CFAP61: variants seen among roughly 807,000 people sequenced by gnomAD.
The protein encoded by CFAP61 is cilia- and flagella-associated protein 61.
In CFAP61, 107 loss-of-function variants were observed where a neutral mutation model predicts 135.6. The ratio of observed to expected loss-of-function variants is 0.79; its 90% CI spans 0.67 to 0.93. The LOEUF is 0.93. CFAP61 is among the 40% of genes least tolerant of loss of function. The pLI is 0.00. For synonymous variants in CFAP61, 575 were observed against 578.5 expected (o/e 0.99, Z 0.09); for missense variants, 1,507 against 1,556.2 (o/e 0.97, Z 0.53).
chr20:20,136,966 G>A (rs2050976898), intron 8 of CFAP61, among the ~76,000 whole-genome samples: 2 of 152,072 alleles, frequency 1.3e-5, no homozygotes, highest in Non-Finnish European at 2.9e-5. Context: ...TGCATTAGGT[G>A]GGTACACAGA....
rs369503602 is a variant in CFAP61 at position 20,173,830 on chromosome 20, G to A, written c.1385+4370G>A. Among the ~76,000 whole-genome samples the A allele has an allele frequency of 2.1e-4, 32 of 152,326 alleles. No individual in the cohort carries two copies. In the South Asian group the frequency reaches 6.0e-3, roughly 29 times the overall value. ...TGAATAAAGACACTGGAGATGGAGAGCAATGAGATGATACGGATCTAGGAA... is the reference window on the plus strand; with the variant it reads ...TGAATAAAGACACTGGAGATGGAGAACAATGAGATGATACGGATCTAGGAA... On this transcript the variant is annotated intron_variant, in intron 13 of 26. Coordinates refer to ENST00000245957, the MANE Select transcript of CFAP61 (RefSeq NM_015585.4).
At chr20:20,346,973 G>A (rs925758805) in intron 26 of CFAP61, among the ~76,000 whole-genome samples, 5 of 152,082 alleles carry the variant, frequency 3.3e-5, no homozygotes, top group African/African-American at 1.2e-4. Context: ...AAGTGCACAC[G>A]GAACATTCTC....
chr20:20,239,218 T>C (rs2049833169), intron 18 of CFAP61, among the ~76,000 whole-genome samples: 1 of 152,240 alleles, frequency 6.6e-6, no homozygotes, highest in Non-Finnish European at 1.5e-5. Context: ...TATTATAAAC[T>C]TCATGACTTT....
intron 25 of CFAP61, among the ~76,000 whole-genome samples, chr20:20,312,346 A>G (rs991801813): frequency 2.6e-5 from 4 of 152,218 alleles, no homozygotes; most frequent in Non-Finnish European, 5.9e-5. Context: ...ACTTTTAGAG[A>G]TGAAAACTAC....
intron 25 of CFAP61, chr20:20,322,871 T>C (rs1490526195): frequency 8.1e-6 from 8 of 985,178 alleles, no homozygotes; most frequent in Non-Finnish European, 9.6e-6. Flanking sequence ...AATTTACTAA[T>C]ATGACACAAA....
chr20:20,311,339 G>A (rs1223534798), intron 25 of CFAP61, among the ~76,000 whole-genome samples: 1 of 152,132 alleles, frequency 6.6e-6, no homozygotes, highest in African/African-American at 2.4e-5. Flanking sequence ...AATTTTGGGA[G>A]GAACCAGACT....
At chr20:20,147,393 T>A (rs2051984128) in intron 9 of CFAP61, among the ~76,000 whole-genome samples, 1 of 152,222 alleles carries the variant, frequency 6.6e-6, no homozygotes, top group African/African-American at 2.4e-5. Context: ...TTTCACCACA[T>A]CCACACCAAC....
chr20:20,153,731 CA>C (rs2052644196), intron 9 of CFAP61, among the ~76,000 whole-genome samples: 1 of 151,742 alleles, frequency 6.6e-6, no homozygotes, highest in East Asian at 1.9e-4. Flanking sequence ...AAATTGCCAA[CA>C]AAAAAAGTCC....
intron 15 of CFAP61, 112 bp downstream of exon 15, chr20:20,191,531 C>A (rs900768374): frequency 1.6e-6 from 1 of 634,740 alleles, no homozygotes; most frequent in Admixed American, 2.5e-5. Flanking sequence ...TGAATGCCTC[C>A]TTTTTCTGAT....
intron 18 of CFAP61, among the ~76,000 whole-genome samples, chr20:20,233,891 T>C (rs1266828575): frequency 2.0e-5 from 3 of 152,164 alleles, no homozygotes; most frequent in African/African-American, 7.2e-5. Flanking sequence ...GATCAGCTTA[T>C]TGTCCTTTTT....
At chr20:20,284,574 C>A (rs745932472) in intron 22 of CFAP61, among the ~76,000 whole-genome samples, 1 of 152,156 alleles carries the variant, frequency 6.6e-6, no homozygotes, top group Non-Finnish European at 1.5e-5. Flanking sequence ...CATGAGCCAC[C>A]GCGCCCGGCC....
chr20:20,356,549 A>AGT (rs1221617247), intron 26 of CFAP61, among the ~76,000 whole-genome samples: 1 of 90,420 alleles, frequency 1.1e-5, no homozygotes. Context: ...AGGTGGTCAC[A>AGT]CTGAGGGGAG....
chr20:20,355,836 G>A (rs2059107618), intron 26 of CFAP61, among the ~76,000 whole-genome samples: 1 of 143,744 alleles, frequency 7.0e-6, no homozygotes, highest in Non-Finnish European at 1.5e-5. Flanking sequence ...GTCACACTGT[G>A]AGGGGAGGTG....
rs535973080 is a variant in CFAP61 at position 20,175,822 on chromosome 20, C to T, written c.1385+6362C>T. 4.3e-4 allele frequency among the ~76,000 whole-genome samples: 65 copies of T among 152,182 alleles called. No homozygotes were observed. The South Asian group carries it at 0.011, about 26-fold the overall frequency. On this transcript the variant is annotated intron_variant, in intron 13 of 26. Transcript: ENST00000245957. Reference sequence around the variant, plus strand: ...CTGGGATTACAGGCGTGAGCCACTGCGCCTGGCTGGGGCTTCTGCTTTTTT... The same window carrying T: ...CTGGGATTACAGGCGTGAGCCACTGTGCCTGGCTGGGGCTTCTGCTTTTTT...
chr20:20,081,577 C>T (rs375934681), intron 6 of CFAP61, among the ~76,000 whole-genome samples: 7 of 152,302 alleles, frequency 4.6e-5, no homozygotes, highest in African/African-American at 1.7e-4. Context: ...ATGTGCTCAG[C>T]CCAGTGCCAG....
chr20:20,139,580 CAG>C (rs1372788013), intron 8 of CFAP61, among the ~76,000 whole-genome samples: 2 of 152,202 alleles, frequency 1.3e-5, no homozygotes, highest in African/African-American at 4.8e-5. Context: ...TTGAGGATCT[CAG>C]GGGACATTAT....
rs1237309030 is a variant in CFAP61, at chr20:20,341,929, T to C, written c.3513+8T>C. ...ATCTTAGCCTCCAAGGAGGTAAGAG[T>C]GATTAATGGATATGTGGATTATTCC... On this transcript the variant is annotated splice_region_variant and intron_variant, in intron 26 of 26. Coordinates refer to ENST00000245957, the MANE Select transcript of CFAP61 (RefSeq NM_015585.4). The C allele has an allele frequency of 6.3e-7, 1 of 1,578,352 alleles. No individual in the cohort carries two copies. The highest frequency in any genetic ancestry group is 1.7e-5 in the Admixed American group (1 of 59,558).
intron 22 of CFAP61, among the ~76,000 whole-genome samples, chr20:20,285,718 G>C (rs942938686): frequency 3.3e-5 from 5 of 152,000 alleles, no homozygotes; most frequent in Non-Finnish European, 5.9e-5. Context: ...AGGAATTCAA[G>C]ACCAGCCTGG....
chr20:20,071,311 G>A lies in CFAP61; in HGVS notation c.294+307G>A, dbSNP rs184155451. ...CCAGGTCTCACGTTGTTCTCCAGGC[G>A]TCAGTGTCCAAGGTCATTGATATGT... On this transcript the variant is annotated intron_variant, in intron 3 of 26. Transcript: ENST00000245957. 5.3e-5 allele frequency among the ~76,000 whole-genome samples: 8 copies of A among 152,148 alleles called. No individual in the cohort carries two copies. The East Asian group carries it at 9.6e-4, about 18-fold the overall frequency.
Sources: allele counts gnomAD v4.1 joint callset (sites outside exome capture counted in the v4.1 genomes callset), GRCh38; gene constraint gnomAD v4.1.1; transcripts MANE v1.5; gene names NCBI Gene and HGNC (gene_info 2026-07-23, HGNC 2026-07-21).